QKI: variants seen among roughly 807,000 people sequenced by gnomAD.
The protein encoded by QKI is KH domain-containing RNA-binding protein QKI.
Under a neutral mutation model 39.0 loss-of-function variants are expected in QKI, and 10 were observed. The observed-to-expected ratio is 0.26, with a 90% CI of 0.16 to 0.43. The LOEUF is 0.43. Among genes scored for constraint, QKI ranks in the 20% least tolerant of loss-of-function variants. The pLI is 1.00. For synonymous variants in QKI, 204 were observed against 155.4 expected, an observed-to-expected ratio of 1.31 and a Z score of -2.33; for missense variants, 218 against 428.0, an observed-to-expected ratio of 0.51 and a Z score of 4.33.
At chr6:163,434,544 T>C (rs1012173475) in intron 1 of QKI, among the ~76,000 whole-genome samples, 3 of 151,752 alleles carry the variant, frequency 2.0e-5, no homozygotes, top group Admixed American at 6.6e-5. Context: ...TGAAACCCCC[T>C]CTCTACTAAA....
chr6:163,457,953 G>A (rs1791050646), intron 2 of QKI, among the ~76,000 whole-genome samples: 1 of 152,136 alleles, frequency 6.6e-6, no homozygotes, highest in Non-Finnish European at 1.5e-5. Flanking sequence ...AATATGATGG[G>A]AATGGAGAGA....
chr6:163,478,578 G>C (rs993228776), intron 2 of QKI, among the ~76,000 whole-genome samples: 4 of 152,200 alleles, frequency 2.6e-5, no homozygotes, highest in African/African-American at 9.7e-5. Context: ...TAATACTTGT[G>C]AAAATATAAT....
At chr6:163,509,798 T>C (rs559333284) in intron 3 of QKI, among the ~76,000 whole-genome samples, 21 of 152,112 alleles carry the variant, frequency 1.4e-4, no homozygotes, top group African/African-American at 5.1e-4. Context: ...AGGCTACAAA[T>C]AGAAAAACAG....
chr6:163,432,496 C>T (rs867708715), intron 1 of QKI, among the ~76,000 whole-genome samples: 7 of 151,654 alleles, frequency 4.6e-5, no homozygotes, highest in South Asian at 2.1e-4. Context: ...TGGGCTCAAG[C>T]GATCCTCCTG....
chr6:163,531,414 G>A lies in QKI; in HGVS notation c.403-3568G>A, dbSNP rs556898896. Among the ~76,000 whole-genome samples the A allele has an allele frequency of 1.2e-4, 18 of 152,316 alleles. No individual in the cohort carries two copies. The South Asian group carries it at 3.7e-3, about 32-fold the overall frequency. Reference sequence around the variant, plus strand: ...GGAATTAGGGAGTGCTTGATAGCTAGCCATTTGTGGACAGGGGATATGGGA... The same window carrying A: ...GGAATTAGGGAGTGCTTGATAGCTAACCATTTGTGGACAGGGGATATGGGA... On this transcript the variant is annotated intron_variant, in intron 3 of 7. Transcript: ENST00000361752.
chr6:163,541,229 C>T (rs182306294), intron 4 of QKI, among the ~76,000 whole-genome samples: 3 of 151,992 alleles, frequency 2.0e-5, no homozygotes, highest in East Asian at 1.9e-4. Context: ...TTCTTTGAGC[C>T]GTGTTTTATT....
At chr6:163,514,069 C>T (rs1423691898) in intron 3 of QKI, among the ~76,000 whole-genome samples, 1 of 152,042 alleles carries the variant, frequency 6.6e-6, no homozygotes, top group Non-Finnish European at 1.5e-5. Context: ...ACTGCTCAGC[C>T]AGAGGAGATA....
chr6:163,464,680 T>C (rs987761372), intron 2 of QKI, among the ~76,000 whole-genome samples: 1 of 152,072 alleles, frequency 6.6e-6, no homozygotes, highest in African/African-American at 2.4e-5. Flanking sequence ...AGTGAGGAGA[T>C]TGAATCACTA....
intron 4 of QKI, among the ~76,000 whole-genome samples, chr6:163,544,335 A>C (rs1225299411): frequency 4.6e-5 from 7 of 152,026 alleles, no homozygotes. Context: ...TATATCATGG[A>C]CTTGAGCATT....
At chr6:163,558,751 A>T (rs1227974634) in intron 4 of QKI, among the ~76,000 whole-genome samples, 1 of 152,142 alleles carries the variant, frequency 6.6e-6, no homozygotes, top group East Asian at 1.9e-4. Flanking sequence ...GTGAATACAG[A>T]GTGGAGGGGA....
chr6:163,416,732 T>G (rs1244244525), intron 1 of QKI, among the ~76,000 whole-genome samples: 1 of 152,206 alleles, frequency 6.6e-6, no homozygotes, highest in African/African-American at 2.4e-5. Flanking sequence ...TCGTTTTGCT[T>G]CCGTATGTTA....
chr6:163,415,425 A>C, intron 1 of QKI, 90 bp downstream of exon 1: 86 of 917,930 alleles, frequency 9.4e-5, no homozygotes, highest in East Asian at 1.7e-4. Flanking sequence ...CGGGAAGGTC[A>C]CGGCCGGGCG....
rs763904443 is a variant in QKI at position 163,556,315 on chromosome 6, C to T, written c.547-5667C>T. 3.3e-5 allele frequency among the ~76,000 whole-genome samples: 5 copies of T among 151,888 alleles called. No homozygotes were observed. In the South Asian group the frequency reaches 1.0e-3, roughly 32 times the overall value. On this transcript the variant is annotated intron_variant, in intron 4 of 7. Transcript: ENST00000361752. Reference sequence around the variant, plus strand: ...ATCACCTGAGGTCAGGAGTTCGAGACCAGCCTGACCAACATGGTGAAACCG... The same window carrying T: ...ATCACCTGAGGTCAGGAGTTCGAGATCAGCCTGACCAACATGGTGAAACCG...
intron 4 of QKI, among the ~76,000 whole-genome samples, chr6:163,541,343 C>G (rs1781502552): frequency 2.0e-5 from 3 of 151,882 alleles, no homozygotes; most frequent in Admixed American, 2.0e-4. Context: ...CTTTTTTAAT[C>G]TAATAACTTT....
chr6:163,512,412 A>G (rs1333614921), intron 3 of QKI, among the ~76,000 whole-genome samples: 1 of 152,130 alleles, frequency 6.6e-6, no homozygotes, highest in Non-Finnish European at 1.5e-5. Context: ...TAATATAGAA[A>G]GTTCTAAAGT....
chr6:163,432,734 C>A (rs376964640), intron 1 of QKI, among the ~76,000 whole-genome samples: 6 of 145,618 alleles, frequency 4.1e-5, no homozygotes, highest in African/African-American at 1.5e-4. Flanking sequence ...GAGTCATTTG[C>A]TTTGGAATAA....
intron 3 of QKI, among the ~76,000 whole-genome samples, chr6:163,493,186 C>A (rs1225472193): frequency 6.8e-6 from 1 of 147,294 alleles, no homozygotes; most frequent in Non-Finnish European, 1.5e-5. Flanking sequence ...GGCTGGAGGG[C>A]ATTGGGCAAT....
chr6:163,517,996 C>A (rs1779936273), intron 3 of QKI, among the ~76,000 whole-genome samples: 1 of 152,086 alleles, frequency 6.6e-6, no homozygotes, highest in African/African-American at 2.4e-5. Context: ...CCTACATATT[C>A]TTTGATTTCC....
intron 2 of QKI, among the ~76,000 whole-genome samples, chr6:163,464,458 T>G (rs555445573): frequency 1.3e-5 from 2 of 152,116 alleles, no homozygotes; most frequent in East Asian, 3.9e-4. Context: ...TGACAGACCT[T>G]TAGTTGGACT....
Sources: allele counts gnomAD v4.1 joint callset (sites outside exome capture counted in the v4.1 genomes callset), GRCh38; gene constraint gnomAD v4.1.1; transcripts MANE v1.5; gene names NCBI Gene and HGNC (gene_info 2026-07-23, HGNC 2026-07-21).